The following PCSK2 variants were observed in gnomAD, a reference collection of about 807,000 sequenced individuals.
PCSK2 encodes the protein proprotein convertase subtilisin/kexin type 2.
PCSK2 carries 14 observed loss-of-function variants against 69.7 expected under a neutral mutation model. That is an observed-to-expected ratio of 0.20 (90% CI 0.13 to 0.31). PCSK2 has a LOEUF of 0.31. Ranked by LOEUF, PCSK2 falls within the 10% of genes least tolerant of loss-of-function variation. PCSK2 has a pLI of 1.00. For missense variants in PCSK2, 544 were observed against 842.5 expected, an observed-to-expected ratio of 0.65 and a Z score of 4.39; for synonymous variants, 307 against 320.7, an observed-to-expected ratio of 0.96 and a Z score of 0.46.
chr20:17,363,334 G>T (rs1433140240), intron 4 of PCSK2, among the ~76,000 whole-genome samples: 2 of 152,144 alleles, frequency 1.3e-5, no homozygotes, highest in African/African-American at 2.4e-5. Flanking sequence ...TAGGTACAAA[G>T]CAATGTCATT....
intron 2 of PCSK2, among the ~76,000 whole-genome samples, chr20:17,305,206 A>C (rs1314545725): frequency 6.6e-6 from 1 of 152,214 alleles, no homozygotes; most frequent in African/African-American, 2.4e-5. Context: ...TTAGGGAAAC[A>C]CTCGTATAAA....
intron 2 of PCSK2, among the ~76,000 whole-genome samples, chr20:17,353,187 A>G (rs116307747): frequency 0.013 from 1,917 of 152,138 alleles, 14 homozygotes; most frequent in East Asian, 0.035. Context: ...AATAGGCTGG[A>G]TGCGGTGGCT....
intron 2 of PCSK2, among the ~76,000 whole-genome samples, chr20:17,307,123 C>T (rs968083966): frequency 6.6e-6 from 1 of 152,138 alleles, no homozygotes. Context: ...AGAGTTATTT[C>T]ACAGGCTTTA....
At chr20:17,255,671 T>C (rs559308789) in intron 1 of PCSK2, among the ~76,000 whole-genome samples, 17 of 152,310 alleles carry the variant, frequency 1.1e-4, no homozygotes, top group African/African-American at 4.1e-4. Flanking sequence ...ACGTATTTAT[T>C]ATAAAAGAAT....
At chr20:17,461,439 G>C (rs1388816466) in intron 10 of PCSK2, among the ~76,000 whole-genome samples, 1 of 152,066 alleles carries the variant, frequency 6.6e-6, no homozygotes, top group South Asian at 2.1e-4. Flanking sequence ...TGAAGAGAAC[G>C]AGACCCAGAG....
intron 10 of PCSK2, among the ~76,000 whole-genome samples, chr20:17,458,361 A>C (rs1465142916): frequency 6.6e-6 from 1 of 152,204 alleles, no homozygotes; most frequent in Non-Finnish European, 1.5e-5. Flanking sequence ...CCTCAGTCTA[A>C]TCCCGAGTGT....
At chr20:17,332,528 T>C (rs536494247) in intron 2 of PCSK2, among the ~76,000 whole-genome samples, 108 of 152,280 alleles carry the variant, frequency 7.1e-4, no homozygotes, top group African/African-American at 2.5e-3. Flanking sequence ...AGCACAGCTT[T>C]CTCTAGGGCA....
At chr20:17,445,850 C>T (rs1234484037) in intron 8 of PCSK2, among the ~76,000 whole-genome samples, 1 of 152,236 alleles carries the variant, frequency 6.6e-6, no homozygotes, top group Non-Finnish European at 1.5e-5. Flanking sequence ...ACAGCTGGTG[C>T]CGTTACCGTC....
chr20:17,303,369 ATAAT>A (rs1299910063), intron 2 of PCSK2, among the ~76,000 whole-genome samples: 1 of 126,366 alleles, frequency 7.9e-6, no homozygotes, highest in Non-Finnish European at 1.6e-5. Context: ...TATATGATAT[ATAAT>A]TATATATTAA....
At chr20:17,293,549 G>A (rs1356530349) in intron 2 of PCSK2, among the ~76,000 whole-genome samples, 3 of 152,094 alleles carry the variant, frequency 2.0e-5, no homozygotes, top group Non-Finnish European at 2.9e-5. Context: ...ACTATATCAA[G>A]TATACTTGAA....
chr20:17,228,299 A>G (rs1371614389), intron 1 of PCSK2: 1 of 152,330 alleles, frequency 6.6e-6, no homozygotes, highest in South Asian at 2.1e-4. Context: ...GTTTGAGCAG[A>G]TAGGTGAGCC....
chr20:17,327,703 G>A (rs948040085), intron 2 of PCSK2, among the ~76,000 whole-genome samples: 1 of 152,294 alleles, frequency 6.6e-6, no homozygotes, highest in African/African-American at 2.4e-5. Flanking sequence ...CTGCTTCCTC[G>A]AATTTTAAAT....
intron 5 of PCSK2, among the ~76,000 whole-genome samples, chr20:17,383,032 T>A (rs1259194301): frequency 6.6e-6 from 1 of 152,164 alleles, no homozygotes; most frequent in Non-Finnish European, 1.5e-5. Flanking sequence ...CATTAGAATG[T>A]CAGCCCCAGG....
At chr20:17,261,399 A>G (rs1219411958) in intron 2 of PCSK2, among the ~76,000 whole-genome samples, 2 of 152,290 alleles carry the variant, frequency 1.3e-5, no homozygotes, top group East Asian at 1.9e-4. Context: ...TTGGGCTTCA[A>G]TTAGGAATTC....
rs1292609370 is a variant in PCSK2, at chr20:17,347,863, G to A, written c.283-10464G>A. 1.3e-3 allele frequency among the ~76,000 whole-genome samples: 53 copies of A among 41,408 alleles called. 3 individuals are homozygous for A. The highest frequency in any genetic ancestry group is 6.8e-3 in the East Asian group (9 of 1,320). The allele number at this position is 41,408 out of a possible 152,430, so 27.2% of individuals were successfully genotyped here. On this transcript the variant is annotated intron_variant, in intron 2 of 11. Coordinates refer to ENST00000262545, the MANE Select transcript of PCSK2 (RefSeq NM_002594.5). ...AAGAAAGAAAGAAAGAAAGAAAGAG[G>A]AGAGAGAAAAAAGAAAGAAAGAAAG...
At chr20:17,310,865 G>T (rs897048720) in intron 2 of PCSK2, among the ~76,000 whole-genome samples, 1 of 151,730 alleles carries the variant, frequency 6.6e-6, no homozygotes, top group South Asian at 2.1e-4. Context: ...TTACGGGCGT[G>T]GTGGCACACA....
chr20:17,336,137 T>A (rs1448321949), intron 2 of PCSK2, among the ~76,000 whole-genome samples: 1 of 152,202 alleles, frequency 6.6e-6, no homozygotes, highest in Non-Finnish European at 1.5e-5. Flanking sequence ...CTTTATAATA[T>A]TGTTGAAAGA....
rs1043751934 is a variant in PCSK2 at position 17,372,534 on chromosome 20, C to T, written c.543+3257C>T. On this transcript the variant is annotated intron_variant, in intron 5 of 11. Transcript: ENST00000262545. Reference sequence around the variant, plus strand: ...TGGTGGGATGTTATTGAAGAGATGACAATGTCTATGCTGAACTTAAACTAG... The same window carrying T: ...TGGTGGGATGTTATTGAAGAGATGATAATGTCTATGCTGAACTTAAACTAG... Among the ~76,000 whole-genome samples, 3 of 152,132 alleles carry T rather than the reference C, an allele frequency of 2.0e-5. No homozygotes were observed. The South Asian group carries it at 6.2e-4, about 32-fold the overall frequency.
At chr20:17,474,433 C>T (rs747180391) in intron 11 of PCSK2, among the ~76,000 whole-genome samples, 3 of 152,170 alleles carry the variant, frequency 2.0e-5, no homozygotes, top group Non-Finnish European at 2.9e-5. Context: ...TTCGGCTTTC[C>T]AAGGTGCATG....
Sources: allele counts gnomAD v4.1 joint callset (sites outside exome capture counted in the v4.1 genomes callset), GRCh38; gene constraint gnomAD v4.1.1; transcripts MANE v1.5; gene names NCBI Gene and HGNC (gene_info 2026-07-23, HGNC 2026-07-21).